Variants in MYO5B observed in about 807,000 individuals in gnomAD.
MYO5B encodes the protein myosin VB, also known as unconventional myosin-Vb.
A neutral mutation model predicts 229.3 loss-of-function variants in MYO5B; 143 were observed. The ratio of observed to expected loss-of-function variants is 0.62; its 90% CI spans 0.54 to 0.72. MYO5B has a LOEUF of 0.72. Ranked by LOEUF, MYO5B falls within the 30% of genes least tolerant of loss-of-function variation. The pLI, the probability that MYO5B is intolerant of heterozygous loss-of-function variation, is 0.00. For missense variants in MYO5B, 2,321 were observed against 2,331.0 expected (o/e 1.00, Z 0.09); for synonymous variants, 918 against 885.2 (o/e 1.04, Z -0.66).
intron 4 of MYO5B, among the ~76,000 whole-genome samples, chr18:50,023,400 G>A (rs1417624155): frequency 6.6e-6 from 1 of 152,124 alleles, no homozygotes; most frequent in Non-Finnish European, 1.5e-5. Context: ...CAGACGGAAA[G>A]CACTGGACTA....
intron 1 of MYO5B, among the ~76,000 whole-genome samples, chr18:50,060,390 C>A (rs575819156): frequency 2.0e-5 from 3 of 152,148 alleles, no homozygotes; most frequent in Non-Finnish European, 4.4e-5. Flanking sequence ...CAAGGAATGT[C>A]TTCAAACAAA....
At chr18:50,156,932 T>C (rs1040637898) in intron 1 of MYO5B, among the ~76,000 whole-genome samples, 8 of 152,146 alleles carry the variant, frequency 5.3e-5, no homozygotes, top group African/African-American at 9.7e-5. Flanking sequence ...CATGCCAGCA[T>C]CATCTCTTAC....
chr18:49,860,331 C>T (rs2024313780), intron 29 of MYO5B, among the ~76,000 whole-genome samples: 1 of 152,138 alleles, frequency 6.6e-6, no homozygotes, highest in South Asian at 2.1e-4. Flanking sequence ...CCATCCTTCT[C>T]CCATATACAG....
At chr18:50,088,372 A>G (rs1455989000) in intron 1 of MYO5B, among the ~76,000 whole-genome samples, 1 of 152,232 alleles carries the variant, frequency 6.6e-6, no homozygotes, top group Admixed American at 6.5e-5. Context: ...ACACACAGGA[A>G]AAATAGGTGA....
chr18:50,018,365 T>C (rs896997052), intron 4 of MYO5B, among the ~76,000 whole-genome samples: 2 of 152,136 alleles, frequency 1.3e-5, no homozygotes, highest in African/African-American at 4.8e-5. Flanking sequence ...ATTTTCTGCA[T>C]GTCTCCACCT....
chr18:49,881,904 C>T (rs1002931412), intron 22 of MYO5B, among the ~76,000 whole-genome samples: 3 of 152,010 alleles, frequency 2.0e-5, no homozygotes, highest in African/African-American at 7.2e-5. Flanking sequence ...AACAATTCAG[C>T]TGTGTTCTAA....
chr18:49,974,209 A>T, intron 10 of MYO5B, 141 bp downstream of exon 10: 2 of 1,228,718 alleles, frequency 1.6e-6, no homozygotes, highest in East Asian at 4.9e-5. Context: ...TCAACTAATC[A>T]ACTAAAAATG....
chr18:50,039,759 T>C (rs1224223147), intron 3 of MYO5B, among the ~76,000 whole-genome samples: 1 of 152,126 alleles, frequency 6.6e-6, no homozygotes, highest in Non-Finnish European at 1.5e-5. Flanking sequence ...AGTGAGAAGA[T>C]CACAGAAAAG....
At chr18:49,918,970 G>A (rs1385836044) in intron 17 of MYO5B, among the ~76,000 whole-genome samples, 1 of 152,178 alleles carries the variant, frequency 6.6e-6, no homozygotes, top group Non-Finnish European at 1.5e-5. Context: ...CTTAACCTGT[G>A]GACATGCGGT....
At chr18:49,895,477 T>C (rs1394395313) in intron 21 of MYO5B, among the ~76,000 whole-genome samples, 1 of 152,138 alleles carries the variant, frequency 6.6e-6, no homozygotes, top group East Asian at 1.9e-4. Flanking sequence ...GCTGGGTGGA[T>C]CCTATACCTT....
chr18:50,025,459 GATCTCCTCCC>G, intron 4 of MYO5B, among the ~76,000 whole-genome samples: 1 of 152,224 alleles, frequency 6.6e-6, no homozygotes, highest in Non-Finnish European at 1.5e-5. Flanking sequence ...TGGATTTAAG[GATCTCCTCCC>G]ATCTCCTCTC....
At chr18:50,092,597 A>G (rs1231936093) in intron 1 of MYO5B, among the ~76,000 whole-genome samples, 4 of 152,186 alleles carry the variant, frequency 2.6e-5, no homozygotes, top group African/African-American at 9.7e-5. Flanking sequence ...ACCAGAAACC[A>G]CGGGGGTTCC....
chr18:49,841,172 C>G (rs2024052516), intron 35 of MYO5B, among the ~76,000 whole-genome samples, 193 bp downstream of exon 35: 1 of 152,170 alleles, frequency 6.6e-6, no homozygotes, highest in South Asian at 2.1e-4. Flanking sequence ...TCATCAAGGC[C>G]TCCTAGAGGC....
intron 1 of MYO5B, among the ~76,000 whole-genome samples, chr18:50,080,783 C>A (rs2031201717): frequency 1.3e-5 from 2 of 152,142 alleles, no homozygotes; most frequent in African/African-American, 4.8e-5. Context: ...AAGCAAGTTC[C>A]CATAAGAGAA....
chr18:50,094,241 A>C (rs771851764), intron 1 of MYO5B, among the ~76,000 whole-genome samples: 5 of 152,212 alleles, frequency 3.3e-5, no homozygotes, highest in South Asian at 2.1e-4. Flanking sequence ...ACAAGTTACA[A>C]AATGTTATAG....
At chr18:49,923,399 G>A (rs1168794607) in intron 17 of MYO5B, among the ~76,000 whole-genome samples, 4 of 152,202 alleles carry the variant, frequency 2.6e-5, no homozygotes, top group African/African-American at 9.6e-5. Flanking sequence ...ATTCCCAGGA[G>A]AGAAGGACAC....
At chr18:50,162,768 A>G (rs1357644403) in intron 1 of MYO5B, among the ~76,000 whole-genome samples, 2 of 152,246 alleles carry the variant, frequency 1.3e-5, no homozygotes, top group Non-Finnish European at 2.9e-5. Flanking sequence ...TTTCTGAGGC[A>G]GCACCATCTG....
chr18:49,939,544 T>C (rs2144218070), intron 14 of MYO5B, among the ~76,000 whole-genome samples: 1 of 152,304 alleles, frequency 6.6e-6, no homozygotes, highest in South Asian at 2.1e-4. Context: ...GGAACAAATG[T>C]AAAGGTCAAC....
chr18:50,060,723 TCTC>T (rs2030666341), intron 1 of MYO5B, among the ~76,000 whole-genome samples: 1 of 152,190 alleles, frequency 6.6e-6, no homozygotes, highest in Non-Finnish European at 1.5e-5. Flanking sequence ...CAGCAGCTGT[TCTC>T]CTACATACAC....
Sources: gnomAD v4.1 joint callset for allele counts (sites outside exome capture counted in the v4.1 genomes callset) on GRCh38, gnomAD v4.1.1 for gene constraint, MANE v1.5 for transcripts, NCBI Gene and HGNC (gene_info 2026-07-23, HGNC 2026-07-21) for gene names.